The following PACRGL variants were observed in gnomAD, a reference collection of about 807,000 sequenced individuals.
PACRGL encodes the protein PACRG-like protein.
PACRGL carries 38 observed loss-of-function variants against 34.5 expected under a neutral mutation model. That is an observed-to-expected ratio of 1.10 (90% CI 0.85 to 1.44). PACRGL has a LOEUF of 1.44. Among genes scored for constraint, PACRGL ranks in the 40% most tolerant of loss-of-function variants. PACRGL has a pLI of 0.00. For synonymous variants in PACRGL, 128 were observed against 100.1 expected (o/e 1.28, Z -1.66); for missense variants, 305 against 281.4 (o/e 1.08, Z -0.60).
At chr4:20,724,727 C>A (rs1295058265) in intron 7 of PACRGL, 81 bp from the exon 8 acceptor site, 20 of 658,996 alleles carry the variant, frequency 3.0e-5, no homozygotes, top group Middle Eastern at 5.3e-4. Context: ...ACAAGGGGTG[C>A]TCCTGAAGAT....
At position 20,713,404 on chromosome 4, in the gene PACRGL, T is replaced by C. The variant is rs376463363; in HGVS notation, c.502-28T>C. On this transcript the variant is annotated intron_variant, in intron 6 of 8. Coordinates refer to ENST00000503585, the MANE Select transcript of PACRGL (RefSeq NM_001258345.3). ...TTTCTCCTCTCTTCCCTGATGTCCA[T>C]ACATCCCCCAACTAACCAACCTTAC... is the stretch of plus-strand genomic sequence containing the variant. The C allele has an allele frequency of 7.3e-5, 114 of 1,558,166 alleles. No individual in the cohort carries two copies. In the African/African-American group the frequency reaches 1.4e-3, roughly 19 times the overall value.
At chr4:20,747,534 A>G (rs1238196158) in intron 8 of PACRGL, among the ~76,000 whole-genome samples, 1 of 152,186 alleles carries the variant, frequency 6.6e-6, no homozygotes, top group African/African-American at 2.4e-5. Context: ...GGTACCCAGG[A>G]TAGTCTTCCC....
intron 3 of PACRGL, among the ~76,000 whole-genome samples, chr4:20,707,210 A>C (rs1202765164): frequency 6.6e-6 from 1 of 152,192 alleles, no homozygotes; most frequent in Admixed American, 6.5e-5. Context: ...GTTGTGATTG[A>C]CCATCCCTTA....
At chr4:20,725,932 T>C (rs1745438058) in intron 8 of PACRGL, among the ~76,000 whole-genome samples, 2 of 152,056 alleles carry the variant, frequency 1.3e-5, no homozygotes, top group Non-Finnish European at 2.9e-5. Context: ...GCTAATCCCA[T>C]GTCTCCTCTG....
At chr4:20,709,101 T>G (rs922637008) in intron 4 of PACRGL, among the ~76,000 whole-genome samples, 2 of 152,172 alleles carry the variant, frequency 1.3e-5, no homozygotes, top group Non-Finnish European at 2.9e-5. Context: ...ATCGCGCCAT[T>G]ACACTTGAGC....
At chr4:20,753,008 A>G (rs963294251), downstream of PACRGL, 1 of 151,370 alleles carries the variant, frequency 6.6e-6, no homozygotes, top group Non-Finnish European at 1.5e-5. Context: ...ATTCCTTTAC[A>G]TAACAAAAAT....
chr4:20,714,224 G>C (rs1340086003), intron 7 of PACRGL, among the ~76,000 whole-genome samples: 2 of 152,290 alleles, frequency 1.3e-5, no homozygotes, highest in East Asian at 3.9e-4. Context: ...AGCTCTTCTT[G>C]TTGAATTGAT....
At chr4:20,758,684 A>G in the PACRGL span, 2 of 664,092 alleles carry the variant, frequency 3.0e-6, no homozygotes, top group Non-Finnish European at 5.2e-6. Flanking sequence ...TAAAAATTAT[A>G]TACACTTGCA....
chr4:20,755,489 A>T (rs1180652776), downstream of PACRGL, among the ~76,000 whole-genome samples: 3 of 152,208 alleles, frequency 2.0e-5, no homozygotes, highest in Admixed American at 6.5e-5. Context: ...ATCAAGTGCT[A>T]TTACTTGTCA....
At chr4:20,713,058 T>G in intron 6 of PACRGL, 136 bp downstream of exon 6, 1 of 968,600 alleles carries the variant, frequency 1.0e-6, no homozygotes, top group Non-Finnish European at 1.4e-6. Flanking sequence ...TTCTGACACA[T>G]TTACAGAATT....
At position 20,738,477 on chromosome 4, in the gene PACRGL, C is replaced by T. The variant is rs12640370; in HGVS notation, c.*56+11080C>T. 2.3e-3 allele frequency among the ~76,000 whole-genome samples: 355 copies of T among 152,326 alleles called. 8 individuals carry two copies. The South Asian group carries it at 0.046, about 20-fold the overall frequency. On this transcript the variant is annotated intron_variant, in intron 8 of 8. Transcript: ENST00000507634. ...GACCCCAAAATTTACATGTCTGACACATTCCAAGGGGAAGCCTGTACTGCT... is the reference window on the plus strand; with the variant it reads ...GACCCCAAAATTTACATGTCTGACATATTCCAAGGGGAAGCCTGTACTGCT...
At chr4:20,699,235 A>T (rs181772606), upstream of PACRGL, among the ~76,000 whole-genome samples, 3,126 of 151,430 alleles carry the variant, frequency 0.021, 56 homozygotes, top group African/African-American at 0.04. Context: ...TTTTTTTTTT[A>T]AAAATTTCTT....
Position 20,727,290 on chromosome 4 carries a change from C to G in PACRGL, c.696C>G (p.Ser232Arg), listed in dbSNP as rs770385438. The change falls in exon 9 of 9, where the codon AGC (serine) becomes AGG (arginine). Residue 232 changes from serine to arginine, a missense_variant. Ser to Arg is a moderately radical substitution (Grantham distance 110). Coordinates refer to ENST00000503585, the MANE Select transcript of PACRGL (RefSeq NM_001258345.3). ...CAATTTTTTTCTGTTGACAGGGGAG[C>G]CTTAGCATCATCAAATCTAAAATTC... Reference protein sequence around the residue: ...QKLEQHGGSGSLSIIKSKIPT... With the variant: ...QKLEQHGGSGRLSIIKSKIPT... 5.0e-6 allele frequency: 8 copies of G among 1,611,282 alleles called. No homozygotes were observed. The African/African-American group carries it at 1.1e-4, about 22-fold the overall frequency.
At chr4:20,725,722 C>T (rs555392892) in intron 8 of PACRGL, among the ~76,000 whole-genome samples, 27 of 152,042 alleles carry the variant, frequency 1.8e-4, no homozygotes, top group African/African-American at 4.8e-4. Flanking sequence ...AAAGCTTTAG[C>T]GAAATACCTC....
At chr4:20,744,172 A>C (rs939848075) in intron 8 of PACRGL, among the ~76,000 whole-genome samples, 1 of 152,222 alleles carries the variant, frequency 6.6e-6, no homozygotes, top group Non-Finnish European at 1.5e-5. Flanking sequence ...GTGGGACTGT[A>C]AACTAGTTCA....
chr4:20,731,612 G>T lies in PACRGL; in HGVS notation c.*4271G>T. 1 of 985,074 alleles carries T rather than the reference G, an allele frequency of 1.0e-6. No individual in the cohort carries two copies. Among genetic ancestry groups the T allele is most frequent in the Non-Finnish European group, 1.2e-6 (1 of 829,652 alleles). The allele number at this position is 985,074 out of a possible 1,614,324, so 61.0% of individuals were successfully genotyped here. On this transcript the variant is annotated 3_prime_UTR_variant, in exon 9 of 9. Coordinates refer to ENST00000503585, the MANE Select transcript of PACRGL (RefSeq NM_001258345.3). Reference sequence around the variant, plus strand: ...ATCAGATAGAAGCTTGGCCTGTTGTGATGCCATACTTGGCTATCTAGGAAT... The same window carrying T: ...ATCAGATAGAAGCTTGGCCTGTTGTTATGCCATACTTGGCTATCTAGGAAT...
At chr4:20,709,172 A>C (rs1043217350) in intron 4 of PACRGL, among the ~76,000 whole-genome samples, 1 of 152,014 alleles carries the variant, frequency 6.6e-6, no homozygotes, top group African/African-American at 2.4e-5. Context: ...CAGAAATCCT[A>C]ATTCAGGGGC....
At chr4:20,732,857 A>T (rs1748666193), downstream of PACRGL, 2 of 900,236 alleles carry the variant, frequency 2.2e-6, no homozygotes, top group Non-Finnish European at 3.5e-6. Flanking sequence ...GCTCTGACAG[A>T]TTTTTCCTAC....
upstream of PACRGL, chr4:20,700,441 G>A (rs918117047): frequency 1.2e-4 from 18 of 152,184 alleles, no homozygotes; most frequent in African/African-American, 4.1e-4. Flanking sequence ...GTTCAGGGGC[G>A]GGCCGCGCGG....
Sources: allele counts gnomAD v4.1 joint callset (sites outside exome capture counted in the v4.1 genomes callset), GRCh38; gene constraint gnomAD v4.1.1; transcripts MANE v1.5; gene names NCBI Gene and HGNC (gene_info 2026-07-23, HGNC 2026-07-21).